FOXN3: variants seen among roughly 807,000 people sequenced by gnomAD.
FOXN3 encodes forkhead box protein N3.
Under a neutral mutation model 38.4 loss-of-function variants are expected in FOXN3, and 7 were observed. The ratio of observed to expected loss-of-function variants is 0.18; its 90% CI spans 0.10 to 0.34. The LOEUF is 0.34. Among genes scored for constraint, FOXN3 ranks in the 10% least tolerant of loss-of-function variants. The pLI is 1.00. For missense variants in FOXN3, 456 were observed against 613.4 expected, an observed-to-expected ratio of 0.74 and a Z score of 2.71; for synonymous variants, 230 against 242.2, an observed-to-expected ratio of 0.95 and a Z score of 0.47.
At chr14:89,207,046 A>G (rs1014986556) in intron 4 of FOXN3, among the ~76,000 whole-genome samples, 12 of 152,142 alleles carry the variant, frequency 7.9e-5, no homozygotes, top group Admixed American at 2.0e-4. Context: ...CGGCAAGAGA[A>G]AAAGACAGTG....
At chr14:89,285,864 T>A (rs544273224) in intron 3 of FOXN3, among the ~76,000 whole-genome samples, 9,543 of 39,580 alleles carry the variant, frequency 0.24, 481 homozygotes, top group African/African-American at 0.36. Flanking sequence ...TTACCAAAAA[T>A]TTTTTTTTTT....
At chr14:89,572,219 T>C (rs960088905) in intron 1 of FOXN3, among the ~76,000 whole-genome samples, 16 of 152,240 alleles carry the variant, frequency 1.1e-4, no homozygotes, top group Non-Finnish European at 1.8e-4. Context: ...CAGATGTTTA[T>C]AAAGATGATT....
At chr14:89,213,401 T>C (rs917140683) in intron 4 of FOXN3, among the ~76,000 whole-genome samples, 5 of 152,238 alleles carry the variant, frequency 3.3e-5, no homozygotes, top group African/African-American at 1.2e-4. Context: ...GAGCTGTGTG[T>C]ACCATATTTC....
At chr14:89,219,921 G>A (rs1232019614) in intron 4 of FOXN3, among the ~76,000 whole-genome samples, 3 of 152,164 alleles carry the variant, frequency 2.0e-5, no homozygotes, top group Non-Finnish European at 4.4e-5. Context: ...GCTGTTAGGA[G>A]AGAAGTCTCA....
At chr14:89,487,963 G>A (rs1344802211) in intron 1 of FOXN3, among the ~76,000 whole-genome samples, 2 of 152,172 alleles carry the variant, frequency 1.3e-5, no homozygotes, top group African/African-American at 4.8e-5. Flanking sequence ...CCGGAGGTTG[G>A]AAAGCGTGAG....
intron 4 of FOXN3, among the ~76,000 whole-genome samples, chr14:89,182,870 G>C (rs1197276605): frequency 1.3e-5 from 2 of 152,192 alleles, no homozygotes; most frequent in Non-Finnish European, 2.9e-5. Context: ...ATAATGCAAG[G>C]AGGGGAAAGC....
At chr14:89,295,780 T>TG (rs1887019333) in intron 3 of FOXN3, among the ~76,000 whole-genome samples, 1 of 148,746 alleles carries the variant, frequency 6.7e-6, no homozygotes, top group South Asian at 2.1e-4. Flanking sequence ...TTTTTTTTTT[T>TG]GTAGAGACTG....
chr14:89,181,307 C>T (rs1887669681), intron 4 of FOXN3, among the ~76,000 whole-genome samples: 1 of 152,136 alleles, frequency 6.6e-6, no homozygotes, highest in Non-Finnish European at 1.5e-5. Context: ...AACTCAAAAA[C>T]CCCAACACTG....
chr14:89,519,005 A>G (rs1327061511), intron 1 of FOXN3, among the ~76,000 whole-genome samples: 1 of 152,104 alleles, frequency 6.6e-6, no homozygotes. Flanking sequence ...ACAGTGCGAG[A>G]CTCTGCCTCA....
At position 89,505,708 on chromosome 14, in the gene FOXN3, A is replaced by C. The variant is rs1052860519; in HGVS notation, c.-14-93218T>G. ...TGCCCGGCCACCACCCCGTCTGGGA[A>C]GTGAGGAGCGTCTCTGCCTGGCCGC... On this transcript the variant is annotated intron_variant, in intron 1 of 6. Transcript: ENST00000345097. Among the ~76,000 whole-genome samples the C allele has an allele frequency of 4.8e-3, 729 of 151,456 alleles. 7 individuals are homozygous for C. The highest frequency in any genetic ancestry group is 0.017 in the African/African-American group (695 of 41,220).
intron 3 of FOXN3, among the ~76,000 whole-genome samples, chr14:89,342,510 T>C (rs1188169334): frequency 6.6e-6 from 1 of 152,254 alleles, no homozygotes; most frequent in African/African-American, 2.4e-5. Context: ...AATAAAATTA[T>C]AGCCAACTAA....
intron 3 of FOXN3, among the ~76,000 whole-genome samples, chr14:89,339,067 C>T (rs927264441): frequency 1.3e-5 from 2 of 152,140 alleles, no homozygotes; most frequent in Non-Finnish European, 2.9e-5. Flanking sequence ...ACGGTGCGAT[C>T]TCGGCTCACT....
At chr14:89,299,980 A>T (rs1441828685) in intron 3 of FOXN3, among the ~76,000 whole-genome samples, 1 of 152,204 alleles carries the variant, frequency 6.6e-6, no homozygotes, top group Non-Finnish European at 1.5e-5. Context: ...CCACACTTGC[A>T]TCTTCTGTCC....
At chr14:89,443,139 A>G (rs1012565502) in intron 1 of FOXN3, among the ~76,000 whole-genome samples, 1 of 152,162 alleles carries the variant, frequency 6.6e-6, no homozygotes, top group Non-Finnish European at 1.5e-5. Flanking sequence ...CTCTGCTTCC[A>G]TTTCATTCAT....
At chr14:89,309,282 T>A (rs574427795) in intron 3 of FOXN3, among the ~76,000 whole-genome samples, 1 of 151,820 alleles carries the variant, frequency 6.6e-6, no homozygotes, top group African/African-American at 2.4e-5. Flanking sequence ...CCTCCAGGAG[T>A]TGCCACGTGC....
At chr14:89,242,175 C>A (rs1005807527) in intron 4 of FOXN3, among the ~76,000 whole-genome samples, 2 of 152,184 alleles carry the variant, frequency 1.3e-5, no homozygotes, top group Non-Finnish European at 2.9e-5. Context: ...CAGAAAGTGA[C>A]AGAGAGAAGG....
At chr14:89,165,470 C>T (rs760051037) in intron 5 of FOXN3, among the ~76,000 whole-genome samples, 6 of 152,294 alleles carry the variant, frequency 3.9e-5, no homozygotes, top group African/African-American at 1.4e-4. Context: ...TATTCTGGAT[C>T]GGGAGGCGTA....
At chr14:89,330,597 G>C (rs966756631) in intron 3 of FOXN3, among the ~76,000 whole-genome samples, 1 of 152,202 alleles carries the variant, frequency 6.6e-6, no homozygotes, top group South Asian at 2.1e-4. Context: ...TTGTTTATGG[G>C]TTAAGGCTAA....
Position 89,373,741 on chromosome 14 carries a change from T to C in FOXN3, c.544-22933A>G, listed in dbSNP as rs866589938. Reference sequence around the variant, plus strand: ...CTAAACCACACCTTTAATAGTAGGATTGAGGAAAGTAAAAGTTTGATAGGT... The same window carrying C: ...CTAAACCACACCTTTAATAGTAGGACTGAGGAAAGTAAAAGTTTGATAGGT... On this transcript the variant is annotated intron_variant, in intron 2 of 5. Coordinates refer to ENST00000557258, the MANE Select transcript of FOXN3 (RefSeq NM_005197.4). Among the ~76,000 whole-genome samples the C allele has an allele frequency of 3.3e-5, 5 of 152,242 alleles. 1 individual carries two copies. In the Middle Eastern group the frequency reaches 0.01, roughly 311 times the overall value.
Sources: allele counts gnomAD v4.1 joint callset (sites outside exome capture counted in the v4.1 genomes callset), GRCh38; gene constraint gnomAD v4.1.1; transcripts MANE v1.5; gene names NCBI Gene and HGNC (gene_info 2026-07-23, HGNC 2026-07-21).